MATR3: variants seen among roughly 807,000 people sequenced by gnomAD.
MATR3 encodes the protein matrin 3.
Under a neutral mutation model 85.5 loss-of-function variants are expected in MATR3, and 4 were observed. That is an observed-to-expected ratio of 0.05 (90% CI 0.02 to 0.11). MATR3 has a LOEUF of 0.11. Ranked by LOEUF, MATR3 falls within the 10% of genes least tolerant of loss-of-function variation. The pLI, the probability that MATR3 is intolerant of heterozygous loss-of-function variation, is 1.00. For missense variants in MATR3, 685 were observed against 1,016.1 expected, an observed-to-expected ratio of 0.67 and a Z score of 4.43; for synonymous variants, 336 against 343.1, an observed-to-expected ratio of 0.98 and a Z score of 0.23.
At chr5:139,284,605 C>CA (rs397971665) in intron 3 of MATR3, among the ~76,000 whole-genome samples, 3,382 of 123,792 alleles carry the variant, frequency 0.027, 120 homozygotes, top group African/African-American at 0.091. Context: ...GAGACAGTCT[C>CA]AAAAAAAAAA....
chr5:139,330,334 G>A lies in MATR3; in HGVS notation c.*939G>A, dbSNP rs1278954027. On this transcript the variant is annotated 3_prime_UTR_variant, in exon 15 of 15. Coordinates refer to ENST00000394805, the MANE Select transcript of MATR3 (RefSeq NM_018834.6). ...AATTTGTGTTTACTTGTAACTTTCT[G>A]GTTATATACTGCTTATATCTGTGGA... The A allele has an allele frequency of 2.2e-6, 1 of 454,232 alleles. No homozygotes were observed. Among genetic ancestry groups the A allele is most frequent in the Admixed American group, 2.4e-5 (1 of 42,514 alleles). 28.1% of individuals were successfully genotyped at this position (454,232 alleles called of 1,614,324 possible). A position where few individuals can be genotyped will look rare whatever the true frequency, so the allele number is the denominator to read the frequency against.
intron 1 of MATR3, among the ~76,000 whole-genome samples, chr5:139,296,475 AAC>A (rs1460581520): frequency 6.6e-6 from 1 of 152,250 alleles, no homozygotes; most frequent in East Asian, 1.9e-4. Flanking sequence ...CACGAGAAAT[AAC>A]ATCAACTTTT....
upstream of MATR3, among the ~76,000 whole-genome samples, chr5:139,288,966 TAG>T: frequency 6.6e-6 from 1 of 151,620 alleles, no homozygotes; most frequent in Non-Finnish European, 1.5e-5. Context: ...GGATTTTTAG[TAG>T]AGACATGGTT....
At chr5:139,327,649 A>T (rs1057004326) in intron 14 of MATR3, among the ~76,000 whole-genome samples, 2 of 152,064 alleles carry the variant, frequency 1.3e-5, no homozygotes, top group Admixed American at 6.6e-5. Flanking sequence ...TTGAACTCCC[A>T]GCTTCAGATG....
In MATR3 at chr5:139,331,427, C is replaced by A. The variant is rs1179717784; in HGVS notation, c.*2032C>A. 6.6e-6 allele frequency: 3 copies of A among 453,898 alleles called. No homozygotes were observed. The highest frequency in any genetic ancestry group is 1.3e-5 in the Non-Finnish European group (3 of 226,792). The allele number at this position is 453,898 out of a possible 1,614,324, so 28.1% of individuals were successfully genotyped here. ...ATAGCTTCAACTTTGTTGGATTTAGCAAGTTGAAGGAAAGAATGCTATGTT... is the reference window on the plus strand; with the variant it reads ...ATAGCTTCAACTTTGTTGGATTTAGAAAGTTGAAGGAAAGAATGCTATGTT... On this transcript the variant is annotated 3_prime_UTR_variant, in exon 15 of 15. Coordinates refer to ENST00000394805, the MANE Select transcript of MATR3 (RefSeq NM_018834.6).
At chr5:139,318,497 G>A (rs60558841) in intron 7 of MATR3, among the ~76,000 whole-genome samples, 2,843 of 152,156 alleles carry the variant, frequency 0.019, 102 homozygotes, top group African/African-American at 0.065. Context: ...CACCTGGGCT[G>A]GAGTGCAGTG....
rs1755324919 is a variant in MATR3, at chr5:139,317,709, T to C, written c.1296T>C (p.Asn432=). The C allele has an allele frequency of 1.9e-6, 3 of 1,599,994 alleles. No homozygotes were observed. The highest frequency in any genetic ancestry group is 1.7e-6 in the Non-Finnish European group (2 of 1,170,246). The change falls in exon 7 of 15, where the codon AAT becomes AAC. Residue 432 remains asparagine, a synonymous_variant. Coordinates refer to ENST00000394805, the MANE Select transcript of MATR3 (RefSeq NM_018834.6). The part of the protein sequence containing the change: ...FGVISNHLIL[N]KINEAFIEMA... ...TCATTTCAAATCATCTGATTCTAAA[T>C]AAAATTAATGAGGTATGAATTGAAA...
Position 139,330,748 on chromosome 5 carries a change from C to G in MATR3, c.*1353C>G. ...AGCAAGAATTAGTTCTGCAGCTTTT[C>G]AAAATAATTACGTAGAGACTCTTGG... On this transcript the variant is annotated 3_prime_UTR_variant, in exon 15 of 15. Coordinates refer to ENST00000394805, the MANE Select transcript of MATR3 (RefSeq NM_018834.6). The G allele has an allele frequency of 2.2e-6, 1 of 454,074 alleles. No homozygotes were observed. Among genetic ancestry groups the G allele is most frequent in the Non-Finnish European group, 4.4e-6 (1 of 226,770 alleles). The allele number at this position is 454,074 out of a possible 1,614,324, so 28.1% of individuals were successfully genotyped here.
intron 1 of MATR3, among the ~76,000 whole-genome samples, chr5:139,299,488 A>G (rs1754330222): frequency 6.6e-6 from 1 of 152,158 alleles, no homozygotes; most frequent in African/African-American, 2.4e-5. Flanking sequence ...AGCTCATGCA[A>G]CGTAGTGAGA....
intron 1 of MATR3, among the ~76,000 whole-genome samples, chr5:139,304,239 G>C (rs1358697467): frequency 6.6e-6 from 1 of 152,138 alleles, no homozygotes; most frequent in African/African-American, 2.4e-5. Context: ...AGGCGTGGTG[G>C]CTCATGCCTA....
chr5:139,299,542 G>A lies in MATR3; in HGVS notation c.-178+5737G>A, dbSNP rs59059576. 0.031 allele frequency among the ~76,000 whole-genome samples: 4,699 copies of A among 152,200 alleles called. 478 individuals are homozygous for A. In the East Asian group the frequency reaches 0.35, roughly 11 times the overall value. On this transcript the variant is annotated intron_variant, in intron 1 of 14. Coordinates refer to ENST00000394805, the MANE Select transcript of MATR3 (RefSeq NM_018834.6). ...TGTTAAAAATTAGTCGGGTATAGTG[G>A]TGCATGCCTGTGGTCCCTGCTGAGA... is the stretch of plus-strand genomic sequence containing the variant.
rs1255580509 is a variant in MATR3 at position 139,330,765 on chromosome 5, G to C, written c.*1370G>C. 2.2e-6 allele frequency: 1 copy of C among 454,096 alleles called. No individual in the cohort carries two copies. The highest frequency in any genetic ancestry group is 6.9e-4 in the Middle Eastern group (1 of 1,444). 28.1% of individuals were successfully genotyped at this position (454,096 alleles called of 1,614,324 possible). On this transcript the variant is annotated 3_prime_UTR_variant, in exon 15 of 15. Coordinates refer to ENST00000394805, the MANE Select transcript of MATR3 (RefSeq NM_018834.6). ...CAGCTTTTCAAAATAATTACGTAGAGACTCTTGGTATATTGGATTATCTGT... is the reference window on the plus strand; with the variant it reads ...CAGCTTTTCAAAATAATTACGTAGACACTCTTGGTATATTGGATTATCTGT...
intron 12 of MATR3, among the ~76,000 whole-genome samples, chr5:139,324,456 A>G (rs1323927825): frequency 6.6e-6 from 1 of 151,910 alleles, no homozygotes; most frequent in African/African-American, 2.4e-5. Flanking sequence ...ACACGAGGCT[A>G]ATTCTTGTAT....
At chr5:139,294,058 C>G (rs1180918337) in intron 1 of MATR3, 1 of 1,252,210 alleles carries the variant, frequency 8.0e-7, no homozygotes. Context: ...AACACGCGGC[C>G]GGCCAAGGGC....
At position 139,325,614 on chromosome 5, in the gene MATR3, A is replaced by G. The variant is rs763884623; in HGVS notation, c.2323A>G (p.Ile775Val). 1.9e-6 allele frequency: 3 copies of G among 1,614,094 alleles called. No homozygotes were observed. The highest frequency in any genetic ancestry group is 2.2e-5 in the East Asian group (1 of 44,900). Residue 775 changes from isoleucine to valine, a missense_variant, in exon 13 of 15, where the codon ATC becomes GTC. This residue lies in a region of MATR3 where 215 missense variants were observed against 194.7 expected (regional missense o/e 1.10). Coordinates refer to ENST00000394805, the MANE Select transcript of MATR3 (RefSeq NM_018834.6). ...TGATGAGAACAAGGACGACTATACA[A>G]TCCCAGATGAGTATAGAATTGGACC... ...QSDENKDDYT[I>V]PDEYRIGPYQ... is the part of the protein sequence containing the mutation.
intron 1 of MATR3, among the ~76,000 whole-genome samples, chr5:139,297,647 G>A (rs914964713): frequency 1.3e-5 from 2 of 152,166 alleles, no homozygotes; most frequent in African/African-American, 4.8e-5. Flanking sequence ...TATTACTGTG[G>A]CACTTCTGTG....
chr5:139,304,269 G>C (rs1754599470), intron 1 of MATR3, among the ~76,000 whole-genome samples: 1 of 152,154 alleles, frequency 6.6e-6, no homozygotes, highest in African/African-American at 2.4e-5. Context: ...AGCACTTTGA[G>C]AGGACGAGGC....
intron 2 of MATR3, among the ~76,000 whole-genome samples, chr5:139,278,094 G>T (rs766723079): frequency 1.3e-5 from 2 of 151,906 alleles, no homozygotes; most frequent in Admixed American, 6.6e-5. Flanking sequence ...TTAGGTGGGT[G>T]TGTTGGCATG....
chr5:139,314,661 T>C lies in MATR3; in HGVS notation c.913-14T>C, dbSNP rs1240888524. The C allele has an allele frequency of 1.3e-6, 2 of 1,566,488 alleles. No individual in the cohort carries two copies. Among genetic ancestry groups the C allele is most frequent in the Admixed American group, 1.7e-5 (1 of 59,142 alleles). ...CTTTATTTTTGTTAATTCTACTAAT[T>C]TACTTTGCTGCAGGAGTGGAGTCAA... On this transcript the variant is annotated splice_polypyrimidine_tract_variant and intron_variant, in intron 2 of 14. Transcript: ENST00000394805.
Sources: allele counts gnomAD v4.1 joint callset (sites outside exome capture counted in the v4.1 genomes callset), GRCh38; gene constraint gnomAD v4.1.1; regional missense constraint gnomAD v4.1.1; transcripts MANE v1.5; gene names NCBI Gene and HGNC (gene_info 2026-07-23, HGNC 2026-07-21).